The following KNTC1 variants were observed in gnomAD, a reference collection of about 807,000 sequenced individuals.
KNTC1 encodes the protein kinetochore associated 1.
In KNTC1, 253 loss-of-function variants were observed where a neutral mutation model predicts 314.4. The ratio of observed to expected loss-of-function variants is 0.80; its 90% CI spans 0.73 to 0.89. The LOEUF (loss-of-function observed/expected upper bound fraction) is 0.89, where lower values mean the gene tolerates loss of function less well. Among genes scored for constraint, KNTC1 ranks in the 40% least tolerant of loss-of-function variants. The pLI is 0.00. For synonymous variants in KNTC1, 901 were observed against 901.4 expected, an observed-to-expected ratio of 1.00 and a Z score of 0.01; for missense variants, 2,475 against 2,572.9, an observed-to-expected ratio of 0.96 and a Z score of 0.82.
In KNTC1 at chr12:122,554,082, T is replaced by A. The variant is rs1399936498; in HGVS notation, c.1272+2386T>A. Among the ~76,000 whole-genome samples, 11 of 136,186 alleles carry A rather than the reference T, an allele frequency of 8.1e-5. 1 individual carries two copies. Among genetic ancestry groups the A allele is most frequent in the African/African-American group, 2.1e-4 (7 of 32,596 alleles). 89.3% of individuals were successfully genotyped at this position (136,186 alleles called of 152,430 possible). ...ACTTCCTTAAAAAAAAAAAAATATA[T>A]ATATATATATATATATATTTGTATT... On this transcript the variant is annotated intron_variant, in intron 16 of 63. Transcript: ENST00000333479.
chr12:122,620,235 G>T, intron 59 of KNTC1: 1 of 259,572 alleles, frequency 3.9e-6, no homozygotes. Context: ...GGCATCTGTA[G>T]GCTTTCAGAC....
rs1427689888 is a variant in KNTC1 at position 122,568,318 on chromosome 12, A to G, written c.1662A>G (p.Leu554=). Residue 554 remains leucine (L), a synonymous_variant, in exon 21 of 64, where the codon TTA becomes TTG. Coordinates refer to ENST00000333479, the MANE Select transcript of KNTC1 (RefSeq NM_014708.6). ...NNEDDLKDIF[L]QLKEGNLVCA... Reference sequence around the variant, plus strand: ...AAGATGATCTTAAAGATATTTTTTTACAGCTAAAAGAAGGAAACCTTGTTT... The same window carrying G: ...AAGATGATCTTAAAGATATTTTTTTGCAGCTAAAAGAAGGAAACCTTGTTT... 2 of 1,599,762 alleles carry G rather than the reference A, an allele frequency of 1.3e-6. No individual in the cohort carries two copies. Among genetic ancestry groups the G allele is most frequent in the African/African-American group, 1.3e-5 (1 of 74,526 alleles).
intron 13 of KNTC1, 68 bp downstream of exon 13, chr12:122,549,932 A>ATCCC: frequency 1.2e-6 from 1 of 835,412 alleles, no homozygotes; most frequent in Non-Finnish European, 1.9e-6. Context: ...CTAATCAGGG[A>ATCCC]TGATTAAAAG....
At chr12:122,586,242 C>G (rs1869276003) in intron 37 of KNTC1, among the ~76,000 whole-genome samples, 1 of 152,136 alleles carries the variant, frequency 6.6e-6, no homozygotes, top group African/African-American at 2.4e-5. Flanking sequence ...GCCACCACGC[C>G]TGGCTAATTT....
In KNTC1 at chr12:122,597,918, C is replaced by G. The variant is rs188333792; in HGVS notation, c.4543C>G (p.Leu1515Val). ...LTSTKDLVISLSGILHKLDPY... is the reference protein window; with the variant it reads ...LTSTKDLVISVSGILHKLDPY... ...GAGCACAAAAGATTTGGTCATCAGT[C>G]TTAGTGGAATACTACATAAGGTAGA... Residue 1515 changes from leucine (L) to valine (V), a missense_variant, in exon 44 of 64, where the codon CTT becomes GTT. Physicochemically the swap from Leu to Val is conservative, Grantham distance 32 (BLOSUM62 1). Transcript: ENST00000333479. The G allele has an allele frequency of 2.7e-5, 43 of 1,613,908 alleles. No individual in the cohort carries two copies. In the East Asian group the frequency reaches 8.5e-4, roughly 32 times the overall value.
intron 36 of KNTC1, 53 bp downstream of exon 36, chr12:122,585,043 C>CT (rs111624734): frequency 0.046 from 35,963 of 780,992 alleles, 17 homozygotes; most frequent in South Asian, 0.062. Flanking sequence ...CATTATGCAC[C>CT]TTTTTTTTTT....
chr12:122,601,787 GAA>G, intron 45 of KNTC1, 162 bp downstream of exon 45: 1 of 766,660 alleles, frequency 1.3e-6, no homozygotes, highest in Non-Finnish European at 1.8e-6. Flanking sequence ...TTTAAAAAAA[GAA>G]AAAGATTTTC....
chr12:122,584,346 G>C lies in KNTC1; in HGVS notation c.3332G>C (p.Cys1111Ser), dbSNP rs377539396. Residue 1111 changes from cysteine to serine, a missense_variant, in exon 35 of 64, where the codon TGT (cysteine) becomes TCT (serine). Cys to Ser is a moderately radical substitution (Grantham distance 112). Transcript: ENST00000333479. The part of the protein sequence containing the change: ...KLLFLTCQKL[C>S]QMLADNVPVT... ...CTATTTCTGACATGTCAGAAGCTTT[G>C]TCAGATGTTGGCTGATAATGTCCCA... The C allele has an allele frequency of 2.5e-6, 4 of 1,613,580 alleles. No individual in the cohort carries two copies. Among genetic ancestry groups the C allele is most frequent in the Non-Finnish European group, 3.4e-6 (4 of 1,179,564 alleles).
intron 12 of KNTC1, among the ~76,000 whole-genome samples, chr12:122,548,777 G>A (rs1962975700): frequency 6.6e-6 from 1 of 151,938 alleles, no homozygotes; most frequent in Admixed American, 6.6e-5. Context: ...AGACCAGTCT[G>A]GACAACATGG....
chr12:122,621,546 G>A (rs958266446), intron 60 of KNTC1, among the ~76,000 whole-genome samples: 1 of 152,178 alleles, frequency 6.6e-6, no homozygotes, highest in Non-Finnish European at 1.5e-5. Context: ...TGTTGGCCAG[G>A]CAGGTCTCGA....
At chr12:122,575,423 A>G in intron 27 of KNTC1, 120 bp from the exon 28 acceptor site, 1 of 674,354 alleles carries the variant, frequency 1.5e-6, no homozygotes, top group South Asian at 1.7e-5. Flanking sequence ...CAGTGAGTGG[A>G]TGAAATATTC....
At chr12:122,620,395 G>A in intron 59 of KNTC1, 84 bp from the exon 60 acceptor site, 1 of 1,286,352 alleles carries the variant, frequency 7.8e-7, no homozygotes. Flanking sequence ...ACTTGGACAG[G>A]CAGATGACTA....
At chr12:122,528,846 A>G (rs775451560) in intron 1 of KNTC1, among the ~76,000 whole-genome samples, 2 of 145,398 alleles carry the variant, frequency 1.4e-5, no homozygotes, top group Admixed American at 1.3e-4. Context: ...CTGTATATAT[A>G]TATTTTTTTT....
intron 3 of KNTC1, 95 bp downstream of exon 3, chr12:122,534,879 T>A: frequency 8.3e-7 from 1 of 1,206,474 alleles, no homozygotes; most frequent in Non-Finnish European, 1.2e-6. Flanking sequence ...ACTCCATTAT[T>A]TCTAAGATTT....
intron 60 of KNTC1, among the ~76,000 whole-genome samples, chr12:122,621,637 A>G (rs1478732842): frequency 6.6e-6 from 1 of 152,200 alleles, no homozygotes; most frequent in Admixed American, 6.5e-5. Flanking sequence ...GCCCAGCTGA[A>G]CATGCATATT....
At chr12:122,541,957 G>T in intron 5 of KNTC1, 93 bp from the exon 6 acceptor site, 1 of 1,270,674 alleles carries the variant, frequency 7.9e-7, no homozygotes, top group South Asian at 1.6e-5. Context: ...GGAGGTTGCA[G>T]GGAGCCGAGA....
intron 45 of KNTC1, 26 bp from the exon 46 acceptor site, chr12:122,602,543 G>A (rs1297783234): frequency 3.3e-6 from 5 of 1,501,092 alleles, no homozygotes; most frequent in Admixed American, 1.9e-5. Flanking sequence ...ACTCTTACTG[G>A]ACAAAAGTTT....
Position 122,602,829 on chromosome 12 carries a change from C to T in KNTC1, c.4826C>T (p.Ser1609Phe). Residue 1609 changes from serine (S) to phenylalanine (F), a missense_variant and splice_region_variant, in exon 47 of 64, where the codon TCT (serine) becomes TTT (phenylalanine). Transcript: ENST00000333479. ...CGTACTTTCCTTGTTTCCTTTCTAGCTACAGAACTCAGTGAAGAATCTTTC... is the reference window on the plus strand; with the variant it reads ...CGTACTTTCCTTGTTTCCTTTCTAGTTACAGAACTCAGTGAAGAATCTTTC... The part of the protein sequence containing the change: ...GTAQNFWKIL[S>F]TELSEESFPT... 1 of 1,612,864 alleles carries T rather than the reference C, an allele frequency of 6.2e-7. No individual in the cohort carries two copies. Among genetic ancestry groups the T allele is most frequent in the African/African-American group, 1.3e-5 (1 of 74,988 alleles).
chr12:122,591,436 C>T lies in KNTC1; in HGVS notation c.4228C>T (p.Arg1410Cys), dbSNP rs746336479. The T allele has an allele frequency of 1.1e-5, 17 of 1,571,030 alleles. No individual in the cohort carries two copies. Among genetic ancestry groups the T allele is most frequent in the East Asian group, 2.2e-5 (1 of 44,618 alleles). The stretch of plus-strand genomic sequence containing the variant: ...CAGTACTGATGCCCAGTGGGGCATT[C>T]GTCTTGGTAAACTTGGTGTGAGTAT... ...ELSTDAQWGIRLGKLGISFQP... is the reference protein window; with the variant it reads ...ELSTDAQWGICLGKLGISFQP... Residue 1410 changes from arginine (R) to cysteine (C), a missense_variant, in exon 42 of 64, where the codon CGT becomes TGT. By Grantham distance (180) the Arg-to-Cys change is radical. Coordinates refer to ENST00000333479, the MANE Select transcript of KNTC1 (RefSeq NM_014708.6).
Sources: gnomAD v4.1 joint callset for allele counts (sites outside exome capture counted in the v4.1 genomes callset) on GRCh38, gnomAD v4.1.1 for gene constraint, MANE v1.5 for transcripts, NCBI Gene and HGNC (gene_info 2026-07-23, HGNC 2026-07-21) for gene names.